MAML3: variants seen among roughly 807,000 people sequenced by gnomAD.
MAML3 encodes the protein mastermind like transcriptional coactivator 3, also known as mastermind-like protein 3.
A neutral mutation model predicts 101.9 loss-of-function variants in MAML3; 27 were observed. The ratio of observed to expected loss-of-function variants is 0.27; its 90% confidence interval spans 0.20 to 0.37. The LOEUF (loss-of-function observed/expected upper bound fraction) is 0.37. MAML3 is among the 10% of genes least tolerant of loss of function. MAML3 has a pLI of 1.00. For synonymous variants in MAML3, 501 were observed against 555.9 expected (o/e 0.90, Z 1.39); for missense variants, 1,316 against 1,444.9 (o/e 0.91, Z 1.45).
chr4:140,008,154 G>C (rs2110854755), intron 1 of MAML3, among the ~76,000 whole-genome samples: 1 of 152,296 alleles, frequency 6.6e-6, no homozygotes, highest in South Asian at 2.1e-4. Context: ...AGACCAGCCT[G>C]GCCTACGTGG....
intron 1 of MAML3, among the ~76,000 whole-genome samples, chr4:140,133,386 A>G (rs1423182037): frequency 6.6e-6 from 1 of 152,202 alleles, no homozygotes; most frequent in Non-Finnish European, 1.5e-5. Context: ...TGATAACTAC[A>G]TAGTATATAA....
At chr4:140,131,113 T>A (rs1420764801) in intron 1 of MAML3, among the ~76,000 whole-genome samples, 1 of 152,194 alleles carries the variant, frequency 6.6e-6, no homozygotes, top group African/African-American at 2.4e-5. Context: ...CCTCCAGTCA[T>A]TTCAGTGAAG....
intron 1 of MAML3, among the ~76,000 whole-genome samples, chr4:140,016,065 T>C (rs1560867373): frequency 6.6e-6 from 1 of 152,028 alleles, no homozygotes. Context: ...AAAAAGGACC[T>C]CCTAAAACTA....
At chr4:140,104,744 G>A (rs1395960614) in intron 1 of MAML3, among the ~76,000 whole-genome samples, 1 of 151,528 alleles carries the variant, frequency 6.6e-6, no homozygotes, top group Non-Finnish European at 1.5e-5. Context: ...CACCCGCCTC[G>A]GCCTTCCAAA....
chr4:139,855,503 T>A (rs1050151791), intron 2 of MAML3, among the ~76,000 whole-genome samples: 2 of 152,252 alleles, frequency 1.3e-5, no homozygotes, highest in African/African-American at 4.8e-5. Context: ...TAGTGGCATA[T>A]CTACATGCAT....
Position 140,054,780 on chromosome 4 carries a change from C to T in MAML3, c.468+98080G>A, listed in dbSNP as rs58926021. ...GGGACCACCTTAGAATCTTCAGTGG[C>T]CTCCAAGGCACCAAGCACAGCGATG... On this transcript the variant is annotated intron_variant, in intron 1 of 4. Transcript: ENST00000509479. Among the ~76,000 whole-genome samples the T allele has an allele frequency of 6.0e-4, 92 of 152,264 alleles. No individual in the cohort carries two copies. In the East Asian group the frequency reaches 0.012, roughly 20 times the overall value.
chr4:140,097,385 G>A (rs1728181473), intron 1 of MAML3, among the ~76,000 whole-genome samples: 1 of 152,170 alleles, frequency 6.6e-6, no homozygotes, highest in Non-Finnish European at 1.5e-5. Flanking sequence ...CTGCTTAGAA[G>A]GAGAAGACGA....
At chr4:139,916,361 C>A (rs1309969988) in intron 1 of MAML3, among the ~76,000 whole-genome samples, 1 of 152,236 alleles carries the variant, frequency 6.6e-6, no homozygotes, top group African/African-American at 2.4e-5. Context: ...CAGAACATTT[C>A]TGCTACTGAG....
rs72935745 is a variant in MAML3 at position 140,058,189 on chromosome 4, A to G, written c.468+94671T>C. On this transcript the variant is annotated intron_variant, in intron 1 of 4. Coordinates refer to ENST00000509479, the MANE Select transcript of MAML3 (RefSeq NM_018717.5). ...AATGGACAAGGAAGGAAAAAATTGC[A>G]TGACTCTTTCAAAAAGTAAAATAGA... 9.5e-3 allele frequency among the ~76,000 whole-genome samples: 1,454 copies of G among 152,292 alleles called. 26 individuals carry two copies. The highest frequency in any genetic ancestry group is 0.034 in the African/African-American group (1,421 of 41,550).
intron 2 of MAML3, among the ~76,000 whole-genome samples, chr4:139,764,920 C>G (rs1729827677): frequency 7.1e-6 from 1 of 140,984 alleles, no homozygotes; most frequent in Admixed American, 7.3e-5. Context: ...CTCTGGGCAG[C>G]TCCCAATGCA....
intron 1 of MAML3, among the ~76,000 whole-genome samples, chr4:139,913,450 AGTGCC>A (rs1732968779): frequency 6.6e-6 from 1 of 152,140 alleles, no homozygotes; most frequent in Non-Finnish European, 1.5e-5. Flanking sequence ...CTTTGTCCTA[AGTGCC>A]AATGATTTTT....
chr4:140,083,932 GCACACA>G (rs142768616), intron 1 of MAML3, among the ~76,000 whole-genome samples: 16 of 126,012 alleles, frequency 1.3e-4, no homozygotes, highest in African/African-American at 4.0e-4. Flanking sequence ...ACACACGCGC[GCACACA>G]CACACACACA....
At chr4:140,114,767 G>A (rs2139926) in intron 1 of MAML3, among the ~76,000 whole-genome samples, 84,503 of 152,002 alleles carry the variant, frequency 0.56, 23,824 homozygotes, top group Admixed American at 0.63. Context: ...ATTATAGAAA[G>A]CACATGCCAG....
chr4:139,930,297 G>A (rs139912968), intron 1 of MAML3, among the ~76,000 whole-genome samples: 33 of 152,284 alleles, frequency 2.2e-4, no homozygotes, highest in African/African-American at 7.5e-4. Context: ...ATCTAAGGGT[G>A]CTCATGGCCT....
intron 1 of MAML3, among the ~76,000 whole-genome samples, chr4:139,951,195 G>A (rs1055182073): frequency 2.0e-5 from 3 of 152,164 alleles, no homozygotes; most frequent in African/African-American, 7.2e-5. Context: ...GGCCTGTGCT[G>A]GGAGCTAGAA....
At chr4:139,919,531 T>C (rs753875161) in intron 1 of MAML3, among the ~76,000 whole-genome samples, 2 of 152,142 alleles carry the variant, frequency 1.3e-5, no homozygotes, top group Admixed American at 6.5e-5. Context: ...CAAAGAGATG[T>C]AAGATGGACA....
chr4:139,820,330 T>G (rs570344186), intron 2 of MAML3, among the ~76,000 whole-genome samples: 6 of 152,108 alleles, frequency 3.9e-5, no homozygotes, highest in Non-Finnish European at 8.8e-5. Context: ...AGAAGAAAAA[T>G]AAAGAGAAAC....
Position 139,890,457 on chromosome 4 carries a change from C to T in MAML3, c.979G>A (p.Asp327Asn). 6.2e-7 allele frequency: 1 copy of T among 1,613,634 alleles called. No homozygotes were observed. The highest frequency in any genetic ancestry group is 8.5e-7 in the Non-Finnish European group (1 of 1,179,620). ...TCTTCAAAGTCTTCGTTGAACAGGT[C>T]CTGTATGTCATCCTCAGGAACCGTG... ...ANTVPEDDIQ[D>N]LFNEDFEEKK... is the part of the protein sequence containing the mutation. Residue 327 changes from aspartate (D) to asparagine (N), a missense_variant, in exon 2 of 5, where the codon GAC (aspartate) becomes AAC (asparagine). Physicochemically the swap from Asp to Asn is conservative, Grantham distance 23. Transcript: ENST00000509479. This position sits in a 1 kb window ranked among gnomAD's most constrained non-coding sequence, Gnocchi z 4.1.
chr4:140,033,112 A>G (rs1182530061), intron 1 of MAML3, among the ~76,000 whole-genome samples: 1 of 152,228 alleles, frequency 6.6e-6, no homozygotes, highest in African/African-American at 2.4e-5. Context: ...CTGGCTGAAC[A>G]TCCTTTTCCT....
Sources: allele counts gnomAD v4.1 joint callset (sites outside exome capture counted in the v4.1 genomes callset), GRCh38; gene constraint gnomAD v4.1.1; non-coding constraint Gnocchi (gnomAD v3.1); transcripts MANE v1.5; gene names NCBI Gene and HGNC (gene_info 2026-07-23, HGNC 2026-07-21).